The following AP2B1 variants were observed in gnomAD, a reference collection of about 807,000 sequenced individuals.
AP2B1 encodes the protein AP-2 complex subunit beta.
In AP2B1, 23 loss-of-function variants were observed where a neutral mutation model predicts 102.0. The observed-to-expected ratio is 0.23, with a 90% CI of 0.16 to 0.32. The LOEUF (loss-of-function observed/expected upper bound fraction) is 0.32, where lower values mean the gene tolerates loss of function less well. Among genes scored for constraint, AP2B1 ranks in the 10% least tolerant of loss-of-function variants. The pLI is 1.00. For missense variants in AP2B1, 541 were observed against 1,157.4 expected, an observed-to-expected ratio of 0.47 and a Z score of 7.73; for synonymous variants, 381 against 421.2, an observed-to-expected ratio of 0.90 and a Z score of 1.17.
In AP2B1 at chr17:35,692,901, C is replaced by T. The variant is rs140912833; in HGVS notation, c.2454+10077C>T. ...GCAGTGATGGGAAAATCAGTGTGTA[C>T]ATGAATACCACCAGTGATTTGCTAC... On this transcript the variant is annotated intron_variant, in intron 18 of 21. Transcript: ENST00000610402. Among the ~76,000 whole-genome samples, 10 of 152,054 alleles carry T rather than the reference C, an allele frequency of 6.6e-5. No homozygotes were observed. In the East Asian group the frequency reaches 1.9e-3, roughly 29 times the overall value.
At chr17:35,707,414 G>A (rs1420486328) in intron 18 of AP2B1, among the ~76,000 whole-genome samples, 2 of 150,690 alleles carry the variant, frequency 1.3e-5, no homozygotes, top group African/African-American at 2.4e-5. Flanking sequence ...GCCTCCCAAA[G>A]TGCTGGGATT....
chr17:35,680,206 C>G (rs1202893823), intron 17 of AP2B1, among the ~76,000 whole-genome samples: 1 of 152,118 alleles, frequency 6.6e-6, no homozygotes, highest in Non-Finnish European at 1.5e-5. Flanking sequence ...CCGCACCAGC[C>G]TGTATAAACT....
intron 18 of AP2B1, among the ~76,000 whole-genome samples, chr17:35,684,272 G>C (rs2075885219): frequency 6.6e-6 from 1 of 152,126 alleles, no homozygotes. Flanking sequence ...CCCCCACTAA[G>C]AGCTTAAGAT....
chr17:35,594,690 C>T (rs575572218), intron 2 of AP2B1, among the ~76,000 whole-genome samples: 3 of 152,246 alleles, frequency 2.0e-5, no homozygotes, highest in South Asian at 2.1e-4. Flanking sequence ...ATATTTAAAA[C>T]GGAATCTCTA....
intron 5 of AP2B1, among the ~76,000 whole-genome samples, chr17:35,617,382 C>T (rs1476332883): frequency 6.6e-6 from 1 of 152,094 alleles, no homozygotes; most frequent in Non-Finnish European, 1.5e-5. Context: ...CTATATTGTA[C>T]AGTGATTGTA....
At chr17:35,656,700 G>A (rs1331021938) in intron 13 of AP2B1, among the ~76,000 whole-genome samples, 5 of 151,768 alleles carry the variant, frequency 3.3e-5, no homozygotes, top group Non-Finnish European at 7.4e-5. Context: ...TCGAGACCAC[G>A]GTGATACCCC....
chr17:35,639,094 C>T (rs968711934), intron 10 of AP2B1, among the ~76,000 whole-genome samples: 9 of 152,084 alleles, frequency 5.9e-5, no homozygotes, highest in Admixed American at 1.3e-4. Flanking sequence ...CTTTGGGAGA[C>T]CAAGGTGAGA....
chr17:35,689,737 T>G (rs187130650), intron 18 of AP2B1, among the ~76,000 whole-genome samples: 1 of 152,310 alleles, frequency 6.6e-6, no homozygotes, highest in African/African-American at 2.4e-5. Context: ...TCAAACAAAT[T>G]CAGTTTCATC....
intron 5 of AP2B1, among the ~76,000 whole-genome samples, chr17:35,623,157 T>C (rs1031594720): frequency 1.3e-5 from 2 of 152,084 alleles, no homozygotes; most frequent in Admixed American, 1.3e-4. Flanking sequence ...TCTTCCTTTG[T>C]AGATTTCTTA....
At chr17:35,608,808 G>A (rs192601984) in intron 5 of AP2B1, among the ~76,000 whole-genome samples, 1 of 152,268 alleles carries the variant, frequency 6.6e-6, no homozygotes, top group Non-Finnish European at 1.5e-5. Context: ...CTCTATAGGG[G>A]AATTTCTAGG....
chr17:35,677,944 C>T (rs2142984393), intron 17 of AP2B1, among the ~76,000 whole-genome samples: 1 of 151,726 alleles, frequency 6.6e-6, no homozygotes, highest in African/African-American at 2.4e-5. Flanking sequence ...ACTGTAACCT[C>T]CGTCTCCTGG....
intron 14 of AP2B1, among the ~76,000 whole-genome samples, chr17:35,666,534 T>C (rs1454412222): frequency 1.3e-5 from 2 of 152,190 alleles, no homozygotes; most frequent in Non-Finnish European, 2.9e-5. Flanking sequence ...CCCTTCTTTC[T>C]GTATCTGATT....
chr17:35,669,265 T>G (rs546221694), intron 14 of AP2B1, among the ~76,000 whole-genome samples: 1 of 151,978 alleles, frequency 6.6e-6, no homozygotes, highest in East Asian at 1.9e-4. Context: ...TGCCTCAGTC[T>G]CCCGAGTAGC....
intron 2 of AP2B1, chr17:35,596,801 C>T (rs1473471389): frequency 3.2e-6 from 2 of 622,076 alleles, no homozygotes; most frequent in African/African-American, 3.7e-5. Flanking sequence ...GCTGCATGGG[C>T]CCCCGCAGCG....
intron 9 of AP2B1, among the ~76,000 whole-genome samples, chr17:35,632,892 C>G (rs757366019): frequency 6.6e-6 from 1 of 151,260 alleles, no homozygotes. Context: ...TTACAGTGGC[C>G]CATATTCTAC....
intron 14 of AP2B1, among the ~76,000 whole-genome samples, chr17:35,666,979 T>G (rs1229626586): frequency 6.6e-6 from 1 of 152,186 alleles, no homozygotes; most frequent in Non-Finnish European, 1.5e-5. Flanking sequence ...TTTAAACAAA[T>G]AGTGTCCAAC....
At chr17:35,693,046 A>T (rs1352978041) in intron 18 of AP2B1, among the ~76,000 whole-genome samples, 1 of 151,622 alleles carries the variant, frequency 6.6e-6, no homozygotes, top group African/African-American at 2.4e-5. Flanking sequence ...TTGGAGTCTC[A>T]CTCTGTTGTT....
At position 35,682,298 on chromosome 17, in the gene AP2B1, G is replaced by A. The variant is rs2075838226; in HGVS notation, c.2325-397G>A. ...AAGTTTCCTTTAAATGGAGCAAAAT[G>A]CCATTAAAACCCAAAGATATGGCAA... is the stretch of plus-strand genomic sequence containing the variant. On this transcript the variant is annotated intron_variant, in intron 17 of 21. Coordinates refer to ENST00000610402, the MANE Select transcript of AP2B1 (RefSeq NM_001030006.2). Among the ~76,000 whole-genome samples, 3 of 143,472 alleles carry A rather than the reference G, an allele frequency of 2.1e-5. No individual in the cohort carries two copies. In the Admixed American group the frequency reaches 2.1e-4, roughly 10 times the overall value. 94.1% of individuals were successfully genotyped at this position (143,472 alleles called of 152,430 possible). A position where few individuals can be genotyped will look rare whatever the true frequency, so the allele number is the denominator to read the frequency against.
At chr17:35,671,019 A>G in intron 15 of AP2B1, 121 bp downstream of exon 15, 1 of 984,816 alleles carries the variant, frequency 1.0e-6, no homozygotes. Context: ...AAACCTCTAT[A>G]ACAGTATATG....
Sources: gnomAD v4.1 joint callset for allele counts (sites outside exome capture counted in the v4.1 genomes callset) on GRCh38, gnomAD v4.1.1 for gene constraint, MANE v1.5 for transcripts, NCBI Gene and HGNC (gene_info 2026-07-23, HGNC 2026-07-21) for gene names.